The following PDE1C variants were observed in gnomAD, a reference collection of about 807,000 sequenced individuals.
PDE1C encodes dual specificity calcium/calmodulin-dependent 3',5'-cyclic nucleotide phosphodiesterase 1C.
Under a neutral mutation model 93.1 loss-of-function variants are expected in PDE1C, and 62 were observed. That is an observed-to-expected ratio of 0.67 (90% CI 0.54 to 0.82). The LOEUF (loss-of-function observed/expected upper bound fraction) is 0.82, where lower values mean the gene tolerates loss of function less well. PDE1C is among the 40% of genes least tolerant of loss of function. The probability of loss-of-function intolerance (pLI) is 0.00; values close to 1 mark genes in which losing one functional copy is unlikely to be tolerated. For missense variants in PDE1C, 742 were observed against 884.6 expected (o/e 0.84, Z 2.04); for synonymous variants, 325 against 310.1 (o/e 1.05, Z -0.50).
chr7:32,038,414 T>C (rs1791390773), intron 2 of PDE1C, among the ~76,000 whole-genome samples: 1 of 152,156 alleles, frequency 6.6e-6, no homozygotes, highest in African/African-American at 2.4e-5. Flanking sequence ...TGGCCATTAA[T>C]TTTTATTGGG....
chr7:31,656,466 A>C, the PDE1C span: 1 of 977,980 alleles, frequency 1.0e-6, no homozygotes, highest in East Asian at 1.1e-4. Context: ...CTATTATTAC[A>C]AGTGCACATA....
At chr7:32,371,064 G>T (rs1474738050) in intron 1 of PDE1C, among the ~76,000 whole-genome samples, 5 of 149,876 alleles carry the variant, frequency 3.3e-5, no homozygotes, top group Non-Finnish European at 7.4e-5. Flanking sequence ...GACACTGCCT[G>T]CCTCCCCAGC....
At chr7:31,686,881 G>A in the PDE1C span, 8 of 152,086 alleles carry the variant, frequency 5.3e-5, no homozygotes, top group East Asian at 3.9e-4. Context: ...TTTGAGAGTC[G>A]AAATTAGCTG....
In PDE1C at chr7:32,057,180, G is replaced by C. The variant is rs181456042; in HGVS notation, c.102-5600C>G. On this transcript the variant is annotated intron_variant, in intron 1 of 17. Transcript: ENST00000396191. ...TTTTATCAATAACTCCCTAAAAACTGAGCCCAGTGACTTGCTTACACACAT... is the reference window on the plus strand; with the variant it reads ...TTTTATCAATAACTCCCTAAAAACTCAGCCCAGTGACTTGCTTACACACAT... Among the ~76,000 whole-genome samples, 157 of 152,300 alleles carry C rather than the reference G, an allele frequency of 1.0e-3. 1 individual carries two copies. The highest frequency in any genetic ancestry group is 2.0e-3 in the Non-Finnish European group (137 of 68,022).
intron 1 of PDE1C, among the ~76,000 whole-genome samples, chr7:32,333,748 G>A (rs1783557932): frequency 6.6e-6 from 1 of 152,260 alleles, no homozygotes; most frequent in South Asian, 2.1e-4. Flanking sequence ...TTACAGCAAA[G>A]TGCCTGGTAT....
chr7:31,772,513 T>TC (rs910495073), intron 17 of PDE1C, among the ~76,000 whole-genome samples: 27 of 120,692 alleles, frequency 2.2e-4, no homozygotes, highest in Middle Eastern at 4.0e-3. Context: ...TCTCTCTCTC[T>TC]TTTTTTTTTT....
the PDE1C span, chr7:31,707,146 C>T: frequency 1.4e-5 from 21 of 1,499,418 alleles, no homozygotes; most frequent in South Asian, 1.4e-4. Flanking sequence ...CTGTCTGCAA[C>T]GTTGCCTAAT....
the PDE1C span, among the ~76,000 whole-genome samples, chr7:31,735,136 C>G: frequency 6.6e-6 from 1 of 152,210 alleles, no homozygotes; most frequent in Non-Finnish European, 1.5e-5. Flanking sequence ...CAGTGGCTCA[C>G]GCCTGAAATC....
intron 2 of PDE1C, among the ~76,000 whole-genome samples, chr7:31,917,444 T>C (rs1802067575): frequency 6.6e-6 from 1 of 152,124 alleles, no homozygotes; most frequent in Non-Finnish European, 1.5e-5. Context: ...CCTATGAGTC[T>C]CCAAGCATTA....
At chr7:31,664,699 C>G in the PDE1C span, among the ~76,000 whole-genome samples, 1 of 152,202 alleles carries the variant, frequency 6.6e-6, no homozygotes, top group African/African-American at 2.4e-5. Flanking sequence ...AATAGCCTCT[C>G]AAAGCAACCT....
At chr7:32,215,712 C>T (rs1323187494) in intron 1 of PDE1C, among the ~76,000 whole-genome samples, 2 of 152,216 alleles carry the variant, frequency 1.3e-5, no homozygotes, top group African/African-American at 4.8e-5. Context: ...TGGGCCAACC[C>T]GTTGTGGTGG....
the PDE1C span, among the ~76,000 whole-genome samples, chr7:31,637,182 T>C: frequency 6.6e-6 from 1 of 152,060 alleles, no homozygotes; most frequent in Non-Finnish European, 1.5e-5. Flanking sequence ...TTGTGAATAG[T>C]GCCGCAATAA....
chr7:31,896,740 T>G (rs1287694476), intron 2 of PDE1C, among the ~76,000 whole-genome samples: 1 of 152,158 alleles, frequency 6.6e-6, no homozygotes, highest in African/African-American at 2.4e-5. Flanking sequence ...TAGACCAGAG[T>G]GTGAAATGGC....
At chr7:31,979,354 G>C (rs73314681) in intron 2 of PDE1C, among the ~76,000 whole-genome samples, 5,955 of 152,098 alleles carry the variant, frequency 0.039, 409 homozygotes, top group African/African-American at 0.14. Flanking sequence ...AAAATCACCC[G>C]TAACTCATTA....
At chr7:31,684,631 A>T in the PDE1C span, among the ~76,000 whole-genome samples, 1 of 152,234 alleles carries the variant, frequency 6.6e-6, no homozygotes, top group African/African-American at 2.4e-5. Context: ...TTCACCAGAG[A>T]AACTACGCAG....
intron 1 of PDE1C, among the ~76,000 whole-genome samples, chr7:32,219,991 C>T (rs1045562609): frequency 6.6e-6 from 1 of 152,130 alleles, no homozygotes; most frequent in Non-Finnish European, 1.5e-5. Flanking sequence ...AGGGGTTTCC[C>T]CTTTCACTTG....
chr7:31,711,693 C>T, the PDE1C span, among the ~76,000 whole-genome samples: 8 of 152,270 alleles, frequency 5.3e-5, no homozygotes, highest in Non-Finnish European at 7.3e-5. Flanking sequence ...CTCAATCCTA[C>T]GTTTTAAGGA....
intron 2 of PDE1C, among the ~76,000 whole-genome samples, chr7:32,199,825 A>G (rs1173470951): frequency 6.6e-6 from 1 of 152,164 alleles, no homozygotes; most frequent in Non-Finnish European, 1.5e-5. Flanking sequence ...AGGCTTTTTG[A>G]GCACCAGCAT....
chr7:31,801,214 C>A (rs1046757867), intron 16 of PDE1C, among the ~76,000 whole-genome samples: 8 of 150,968 alleles, frequency 5.3e-5, no homozygotes, highest in African/African-American at 9.7e-5. Flanking sequence ...AATATATTAA[C>A]CTTTAGCCAT....
Sources: allele counts gnomAD v4.1 joint callset (sites outside exome capture counted in the v4.1 genomes callset), GRCh38; gene constraint gnomAD v4.1.1; transcripts MANE v1.5; gene names NCBI Gene and HGNC (gene_info 2026-07-23, HGNC 2026-07-21).